Variants in MTERF4 observed in about 807,000 individuals in gnomAD.
MTERF4 encodes the protein transcription termination factor 4, mitochondrial.
MTERF4 carries 17 observed loss-of-function variants against 22.5 expected under a neutral mutation model. That is an observed-to-expected ratio of 0.75 (90% confidence interval 0.52 to 1.13). The LOEUF is 1.13. Among genes scored for constraint, MTERF4 ranks in the 50% most tolerant of loss-of-function variants. MTERF4 has a pLI of 0.00. For missense variants in MTERF4, 420 were observed against 466.8 expected, an observed-to-expected ratio of 0.90 and a Z score of 0.92; for synonymous variants, 165 against 175.3, an observed-to-expected ratio of 0.94 and a Z score of 0.47.
chr2:241,078,151 G>A (rs150415305), intron 4 of MTERF4, among the ~76,000 whole-genome samples: 3,171 of 152,126 alleles, frequency 0.021, 124 homozygotes, highest in East Asian at 0.094. Flanking sequence ...TTGGGAGGCC[G>A]AGGCGGGCAG....
rs769090103 is a variant in MTERF4, at chr2:241,075,157, T to G, written n.1005A>C. The G allele has an allele frequency of 6.6e-6, 1 of 152,180 alleles. No homozygotes were observed. Among genetic ancestry groups the G allele is most frequent in the Non-Finnish European group, 1.5e-5 (1 of 68,056 alleles). The allele number at this position is 152,180 out of a possible 1,614,324, so 9.4% of individuals were successfully genotyped here. Reference sequence around the variant, plus strand: ...CTGACCGGCTCTTCTCCCCTCTCTGTGCAGAGAACATGTAGGTTGTGTTTG... The same window carrying G: ...CTGACCGGCTCTTCTCCCCTCTCTGGGCAGAGAACATGTAGGTTGTGTTTG... On this transcript the variant is annotated non_coding_transcript_exon_variant, in exon 5 of 5. Coordinates refer to the MTERF4 transcript ENST00000464344. The surrounding 1 kb of genome is among the most constrained non-coding windows in gnomAD (Gnocchi z 4.8).
chr2:241,073,103 A>G lies in MTERF4; in HGVS notation n.3059T>C. On this transcript the variant is annotated non_coding_transcript_exon_variant, in exon 5 of 5. Coordinates refer to the MTERF4 transcript ENST00000464344. The surrounding 1 kb of genome is among the most constrained non-coding windows in gnomAD (Gnocchi z 6.6). ...GAGGGTGAGGCCAGCCCTTCAGGGG[A>G]GGCAGCTCTGGGGCCGACAGGTGCT... 3.4e-6 allele frequency: 2 copies of G among 593,354 alleles called. No individual in the cohort carries two copies. The highest frequency in any genetic ancestry group is 6.0e-6 in the Non-Finnish European group (2 of 333,352). 36.8% of individuals were successfully genotyped at this position (593,354 alleles called of 1,614,324 possible). A position where few individuals can be genotyped will look rare whatever the true frequency, so the allele number is the denominator to read the frequency against.
At chr2:241,074,764 TTTTA>T (rs1213607678) in exon 5 of MTERF4, 7 of 152,362 alleles carry the variant, frequency 4.6e-5, no homozygotes, top group Non-Finnish European at 1.0e-4. Context: ...GCTAGCTACC[TTTTA>T]TTTAGTTATT....
At chr2:241,097,192 CCAGT>C in intron 3 of MTERF4, 47 bp downstream of exon 3, 11 of 1,590,610 alleles carry the variant, frequency 6.9e-6, no homozygotes, top group Non-Finnish European at 9.5e-6. Context: ...AATCCCATTA[CCAGT>C]CATTCTCACC....
the MTERF4 span, among the ~76,000 whole-genome samples, chr2:241,053,873 C>T: frequency 2.6e-5 from 4 of 152,316 alleles, no homozygotes; most frequent in South Asian, 8.3e-4. Context: ...CCATTAACAC[C>T]CTGCAGGTGC....
chr2:241,063,573 C>T, the MTERF4 span: 1 of 1,572,836 alleles, frequency 6.4e-7, no homozygotes, highest in Non-Finnish European at 8.7e-7. Flanking sequence ...CCTTGACACC[C>T]CTTCTCTGTG....
At chr2:241,074,232 A>G (rs2062897695) in exon 5 of MTERF4, 1 of 152,120 alleles carries the variant, frequency 6.6e-6, no homozygotes, top group African/African-American at 2.4e-5. Flanking sequence ...CATCAAGGGC[A>G]CCTGCGGTGG....
downstream of MTERF4, chr2:241,086,971 A>G (rs1447388761): frequency 6.3e-6 from 1 of 158,316 alleles, no homozygotes; most frequent in Admixed American, 6.5e-5. Context: ...TACAATGCCT[A>G]CATCCGAATC....
downstream of MTERF4, chr2:241,094,379 T>G (rs1211889191): frequency 4.2e-6 from 2 of 471,060 alleles, no homozygotes; most frequent in Non-Finnish European, 8.8e-6. This position sits in a 1 kb window ranked among gnomAD's most constrained non-coding sequence, Gnocchi z 4.3. Flanking sequence ...GAGCTGCTTT[T>G]CTTTTGCAAA....
the MTERF4 span, among the ~76,000 whole-genome samples, chr2:241,047,768 C>G: frequency 6.6e-6 from 1 of 151,860 alleles, no homozygotes. Flanking sequence ...GCTTCTTGTT[C>G]TATCCAATCC....
chr2:241,068,813 C>T (rs868548453), downstream of MTERF4: 27 of 807,714 alleles, frequency 3.3e-5, no homozygotes, highest in South Asian at 5.3e-5. The surrounding 1 kb of genome is among the most constrained non-coding windows in gnomAD (Gnocchi z 5.3). Flanking sequence ...ATGACCTCCC[C>T]GCAGTCACCT....
chr2:241,088,751 G>C (rs2063717072), downstream of MTERF4: 2 of 301,018 alleles, frequency 6.6e-6, no homozygotes, highest in South Asian at 1.4e-4. Flanking sequence ...TGGAGAGGCT[G>C]GAAGACCACC....
At chr2:241,085,877 T>G (rs2063548189), downstream of MTERF4, among the ~76,000 whole-genome samples, 1 of 143,698 alleles carries the variant, frequency 7.0e-6, no homozygotes, top group African/African-American at 2.6e-5. Context: ...TTTTTTTTTT[T>G]TTTTTTTGAG....
chr2:241,072,241 C>CATG (rs1559297307), exon 5 of MTERF4: 1 of 477,894 alleles, frequency 2.1e-6, no homozygotes, highest in Admixed American at 2.3e-5. Context: ...GGCAGGAGGC[C>CATG]ATGAGGGTCT....
At chr2:241,097,705 G>A (rs2125384213) in intron 2 of MTERF4, among the ~76,000 whole-genome samples, 1 of 152,236 alleles carries the variant, frequency 6.6e-6, no homozygotes, top group Admixed American at 6.5e-5. Flanking sequence ...TTTGTATTTT[G>A]GGTCTCCTCT....
chr2:241,099,878 C>T lies in MTERF4; in HGVS notation c.38G>A (p.Arg13His), dbSNP rs761955281. ...AFGRQVLDWH[R>H]LIPLTWACMA... ...ACAGGCCCAGGTGAGGGGGATCAGGCGGTGCCAATCAAGGACCTGTAAGAC... is the reference window on the plus strand; with the variant it reads ...ACAGGCCCAGGTGAGGGGGATCAGGTGGTGCCAATCAAGGACCTGTAAGAC... Residue 13 changes from arginine (R) to histidine (H), a missense_variant, in exon 2 of 4, where the codon CGC (arginine) becomes CAC (histidine). Arg to His is a conservative substitution (Grantham distance 29). Coordinates refer to ENST00000391980, the MANE Select transcript of MTERF4 (RefSeq NM_182501.4). The T allele has an allele frequency of 2.7e-5, 44 of 1,612,508 alleles. No individual in the cohort carries two copies. The highest frequency in any genetic ancestry group is 3.3e-4 in the Middle Eastern group (2 of 6,084).
chr2:241,095,980 C>A lies in MTERF4; in HGVS notation c.*18G>T. 6.2e-7 allele frequency: 1 copy of A among 1,611,596 alleles called. No homozygotes were observed. The highest frequency in any genetic ancestry group is 8.5e-7 in the Non-Finnish European group (1 of 1,178,270). ...CTTGATATCTCTGGGCCCTTTCGCT[C>A]TAGTCCTTCCATCACAGCTATTCCT... On this transcript the variant is annotated 3_prime_UTR_variant, in exon 4 of 4. Transcript: ENST00000391980.
At position 241,073,717 on chromosome 2, in the gene MTERF4, T is replaced by G; in HGVS notation, n.2445A>C. 2.3e-6 allele frequency: 1 copy of G among 427,808 alleles called. No homozygotes were observed. The allele number at this position is 427,808 out of a possible 1,614,324, so 26.5% of individuals were successfully genotyped here. A position where few individuals can be genotyped will look rare whatever the true frequency, so the allele number is the denominator to read the frequency against. ...GCCTCTGGGCCCCTCACCCCTCACTTCTCCAAAGAGGAGCAGGCGGAGTCA... is the reference window on the plus strand; with the variant it reads ...GCCTCTGGGCCCCTCACCCCTCACTGCTCCAAAGAGGAGCAGGCGGAGTCA... On this transcript the variant is annotated non_coding_transcript_exon_variant, in exon 5 of 5. Transcript: ENST00000464344. This position sits in a 1 kb window ranked among gnomAD's most constrained non-coding sequence, Gnocchi z 6.6.
chr2:241,049,168 G>C, the MTERF4 span: 1 of 1,551,788 alleles, frequency 6.4e-7, no homozygotes, highest in Admixed American at 1.8e-5. Context: ...TGCTGGGCCG[G>C]GGGCCCGGAC....
Sources: allele counts gnomAD v4.1 joint callset (sites outside exome capture counted in the v4.1 genomes callset), GRCh38; gene constraint gnomAD v4.1.1; non-coding constraint Gnocchi (gnomAD v3.1); transcripts MANE v1.5; gene names NCBI Gene and HGNC (gene_info 2026-07-23, HGNC 2026-07-21).